CHST8: variants seen among roughly 807,000 people sequenced by gnomAD.
CHST8 encodes carbohydrate sulfotransferase 8, also known as GALNAC-4-ST1.
A neutral mutation model predicts 15.0 loss-of-function variants in CHST8; 10 were observed. The observed-to-expected ratio is 0.67, with a 90% CI of 0.41 to 1.13. The LOEUF (loss-of-function observed/expected upper bound fraction) is 1.13, where lower values mean the gene tolerates loss of function less well. Ranked by LOEUF, CHST8 falls within the 50% of genes most tolerant of loss-of-function variation. CHST8 has a pLI of 0.00. For missense variants in CHST8, 634 were observed against 608.2 expected, an observed-to-expected ratio of 1.04 and a Z score of -0.45; for synonymous variants, 259 against 256.6, an observed-to-expected ratio of 1.01 and a Z score of -0.09.
intron 3 of CHST8, among the ~76,000 whole-genome samples, chr19:33,729,391 G>C (rs867237197): frequency 2.6e-5 from 4 of 152,246 alleles, no homozygotes; most frequent in African/African-American, 9.6e-5. Context: ...TTCTTTCAGC[G>C]TGAGCAAGCC....
intron 3 of CHST8, among the ~76,000 whole-genome samples, chr19:33,738,914 T>C (rs10406663): frequency 0.52 from 78,476 of 151,928 alleles, 21,016 homozygotes; most frequent in Middle Eastern, 0.59. Context: ...TTAGCAAGTG[T>C]GCATACTGTT....
chr19:33,739,486 A>T, intron 3 of CHST8, among the ~76,000 whole-genome samples: 1 of 152,142 alleles, frequency 6.6e-6, no homozygotes, highest in East Asian at 1.9e-4. Context: ...CCTAAATTAC[A>T]CTGTTGTTTT....
At chr19:33,760,063 A>G (rs1169574167) in intron 3 of CHST8, among the ~76,000 whole-genome samples, 2 of 152,174 alleles carry the variant, frequency 1.3e-5, no homozygotes, top group East Asian at 1.9e-4. Context: ...CCAGGCCTCA[A>G]GAGTCTCCTG....
At chr19:33,640,510 G>A (rs1972269647) in intron 1 of CHST8, among the ~76,000 whole-genome samples, 1 of 152,136 alleles carries the variant, frequency 6.6e-6, no homozygotes, top group Non-Finnish European at 1.5e-5. Context: ...GAGAGCCCAT[G>A]GATGTCTTTT....
intron 3 of CHST8, among the ~76,000 whole-genome samples, chr19:33,721,399 A>G (rs958215413): frequency 2.6e-5 from 4 of 152,066 alleles, no homozygotes; most frequent in Non-Finnish European, 5.9e-5. Flanking sequence ...CTGCATCACC[A>G]CAGGGTGTGC....
At chr19:33,720,992 C>T (rs919577736) in intron 3 of CHST8, among the ~76,000 whole-genome samples, 1 of 152,226 alleles carries the variant, frequency 6.6e-6, no homozygotes, top group African/African-American at 2.4e-5. Context: ...ACCAGAGTTG[C>T]CCTGTCTGTC....
chr19:33,627,558 G>A (rs1029485814), intron 1 of CHST8, among the ~76,000 whole-genome samples: 5 of 152,246 alleles, frequency 3.3e-5, no homozygotes, highest in Non-Finnish European at 7.3e-5. Context: ...TCCGCACTCC[G>A]CACGTAGAAC....
At chr19:33,752,577 G>C (rs746369755) in intron 3 of CHST8, among the ~76,000 whole-genome samples, 2 of 152,142 alleles carry the variant, frequency 1.3e-5, no homozygotes, top group South Asian at 4.1e-4. Flanking sequence ...GCAGTTCCCC[G>C]GGGAGTCGCA....
At chr19:33,688,202 T>C (rs1450272170) in intron 2 of CHST8, among the ~76,000 whole-genome samples, 1 of 152,254 alleles carries the variant, frequency 6.6e-6, no homozygotes, top group Non-Finnish European at 1.5e-5. Flanking sequence ...CAGGAACTTA[T>C]ATTCTTCCTT....
At chr19:33,694,495 G>A (rs1191540054) in intron 3 of CHST8, among the ~76,000 whole-genome samples, 4 of 151,868 alleles carry the variant, frequency 2.6e-5, no homozygotes, top group African/African-American at 9.7e-5. Flanking sequence ...CTGTCTTGGG[G>A]CACTCCTGCA....
At chr19:33,746,027 A>T (rs1974307534) in intron 3 of CHST8, among the ~76,000 whole-genome samples, 1 of 152,212 alleles carries the variant, frequency 6.6e-6, no homozygotes. Flanking sequence ...TTATTCAAGG[A>T]TCATTGAAAA....
chr19:33,629,095 G>A lies in CHST8; in HGVS notation c.-164+6799G>A, dbSNP rs1972092315. On this transcript the variant is annotated intron_variant, in intron 1 of 4. Transcript: ENST00000650847. ...CCCAGTGCCCATAGCTCCATGGTGGGGACAAGCTGCTCGACGGCCAGACCC... is the reference window on the plus strand; with the variant it reads ...CCCAGTGCCCATAGCTCCATGGTGGAGACAAGCTGCTCGACGGCCAGACCC... Among the ~76,000 whole-genome samples, 3 of 152,166 alleles carry A rather than the reference G, an allele frequency of 2.0e-5. No homozygotes were observed. The South Asian group carries it at 6.2e-4, about 31-fold the overall frequency.
At chr19:33,753,373 T>C (rs565470627) in intron 3 of CHST8, among the ~76,000 whole-genome samples, 7 of 141,360 alleles carry the variant, frequency 5.0e-5, no homozygotes, top group African/African-American at 1.6e-4. Context: ...CCACCCACCA[T>C]CTCCCCACCA....
At chr19:33,733,465 A>G (rs1044189916) in intron 3 of CHST8, among the ~76,000 whole-genome samples, 2 of 152,032 alleles carry the variant, frequency 1.3e-5, no homozygotes, top group African/African-American at 4.8e-5. Context: ...GAAGTCCTGA[A>G]CTCAGGTAAT....
At chr19:33,751,722 C>G (rs1974424920) in intron 3 of CHST8, among the ~76,000 whole-genome samples, 1 of 152,228 alleles carries the variant, frequency 6.6e-6, no homozygotes, top group Non-Finnish European at 1.5e-5. Flanking sequence ...ACCTGGGCAG[C>G]AGTGTGGATG....
intron 3 of CHST8, among the ~76,000 whole-genome samples, chr19:33,701,925 C>T (rs2145279034): frequency 6.6e-6 from 1 of 152,242 alleles, no homozygotes; most frequent in East Asian, 1.9e-4. Context: ...GCCTGTGCTC[C>T]CCCTTCTCTG....
chr19:33,690,664 G>A (rs942481866), intron 3 of CHST8, among the ~76,000 whole-genome samples: 2 of 152,340 alleles, frequency 1.3e-5, no homozygotes, highest in Admixed American at 6.5e-5. Flanking sequence ...GGCCCCCACA[G>A]GTGGTGGCTG....
Position 33,673,846 on chromosome 19 carries a change from C to T in CHST8, c.-87+6003C>T, listed in dbSNP as rs541605840. 1.8e-4 allele frequency among the ~76,000 whole-genome samples: 27 copies of T among 152,294 alleles called. No individual in the cohort carries two copies. In the South Asian group the frequency reaches 5.4e-3, roughly 30 times the overall value. On this transcript the variant is annotated intron_variant, in intron 2 of 4. Coordinates refer to ENST00000650847, the MANE Select transcript of CHST8 (RefSeq NM_001127895.2). The stretch of plus-strand genomic sequence containing the variant: ...TTGGCTCACTGCTACCTCCACCTCC[C>T]GGGTTCCAGCGATTCTTCTGCCTCA...
At chr19:33,720,102 C>T (rs1177041965) in intron 3 of CHST8, among the ~76,000 whole-genome samples, 1 of 152,118 alleles carries the variant, frequency 6.6e-6, no homozygotes, top group African/African-American at 2.4e-5. Flanking sequence ...ACCCTCTATG[C>T]CCAGAAACTC....
Sources: allele counts gnomAD v4.1 joint callset (sites outside exome capture counted in the v4.1 genomes callset), GRCh38; gene constraint gnomAD v4.1.1; transcripts MANE v1.5; gene names NCBI Gene and HGNC (gene_info 2026-07-23, HGNC 2026-07-21).